Variants in SPCS3 observed in about 807,000 individuals in gnomAD.
The protein encoded by SPCS3 is SPase 22 kDa subunit.
In SPCS3, 9 loss-of-function variants were observed where a neutral mutation model predicts 17.2. The observed-to-expected ratio is 0.52, with a 90% CI of 0.31 to 0.91. The LOEUF (loss-of-function observed/expected upper bound fraction) is 0.91. Ranked by LOEUF, SPCS3 falls within the 40% of genes least tolerant of loss-of-function variation. SPCS3 has a pLI of 0.04. For missense variants in SPCS3, 139 were observed against 217.5 expected (o/e 0.64, Z 2.27); for synonymous variants, 87 against 89.6 (o/e 0.97, Z 0.16).
Position 176,320,148 on chromosome 4 carries a change from C to T in SPCS3, c.72C>T (p.Phe24=), listed in dbSNP as rs2126999010. 2 of 1,583,248 alleles carry T rather than the reference C, an allele frequency of 1.3e-6. No homozygotes were observed. The highest frequency in any genetic ancestry group is 1.7e-6 in the Non-Finnish European group (2 of 1,165,804). The change falls in exon 1 of 5, where the codon TTC becomes TTT. Residue 24 remains phenylalanine (F), a synonymous_variant. Coordinates refer to ENST00000503362, the MANE Select transcript of SPCS3 (RefSeq NM_021928.4). The stretch of plus-strand genomic sequence containing the variant: ...TGAGCGTGATGGCGGCGCTCACCTT[C>T]GGCTGCTTCATCACCACCGCCTTCA... ...FSLSVMAALT[F]GCFITTAFKD...
chr4:176,328,228 T>C lies in SPCS3; in HGVS notation c.441T>C (p.Ser147=). The C allele has an allele frequency of 6.2e-7, 1 of 1,613,350 alleles. No individual in the cohort carries two copies. The highest frequency in any genetic ancestry group is 8.5e-7 in the Non-Finnish European group (1 of 1,179,624). Reference sequence around the variant, plus strand: ...ACAGGAATGTCACTTTGACCCTGTCTTGGAACGTCGTACCAAATGCTGGAA... The same window carrying C: ...ACAGGAATGTCACTTTGACCCTGTCCTGGAACGTCGTACCAAATGCTGGAA... ...KGNRNVTLTL[S]WNVVPNAGIL... Residue 147 remains serine, a synonymous_variant, in exon 5 of 5, where the codon TCT becomes TCC. Coordinates refer to ENST00000503362, the MANE Select transcript of SPCS3 (RefSeq NM_021928.4).
chr4:176,328,321 G>A lies in SPCS3; in HGVS notation c.534G>A (p.Lys178=). The change falls in exon 5 of 5, where the codon AAG becomes AAA. Residue 178 remains lysine, a synonymous_variant. Coordinates refer to ENST00000503362, the MANE Select transcript of SPCS3 (RefSeq NM_021928.4). ...VPFPDTYEIT[K]SY The stretch of plus-strand genomic sequence containing the variant: ...TTCCAGATACATATGAAATAACGAA[G>A]AGTTATTAAATTATTCTGAATTTGA... 6.3e-7 allele frequency: 1 copy of A among 1,589,702 alleles called. No homozygotes were observed. The highest frequency in any genetic ancestry group is 8.6e-7 in the Non-Finnish European group (1 of 1,168,306).
chr4:176,326,440 AT>A (rs531747515), intron 3 of SPCS3, among the ~76,000 whole-genome samples: 5 of 152,180 alleles, frequency 3.3e-5, no homozygotes, highest in Admixed American at 1.3e-4. Flanking sequence ...GTGGCCACAA[AT>A]TTTTTTTATT....
chr4:176,321,983 C>T (rs558343023), intron 1 of SPCS3, 187 bp from the exon 2 acceptor site: 1 of 441,274 alleles, frequency 2.3e-6, no homozygotes, highest in Non-Finnish European at 4.1e-6. Context: ...AGCTGAAGAC[C>T]TACTTTAATA....
chr4:176,330,601 G>C lies in SPCS3; in HGVS notation c.*2271G>C, dbSNP rs889762941. On this transcript the variant is annotated 3_prime_UTR_variant, in exon 5 of 5. Coordinates refer to ENST00000503362, the MANE Select transcript of SPCS3 (RefSeq NM_021928.4). Reference sequence around the variant, plus strand: ...AAAGAATGCTCCAACATGGGAATAAGGACCTTCAGTCTCAGGAACTCATTT... The same window carrying C: ...AAAGAATGCTCCAACATGGGAATAACGACCTTCAGTCTCAGGAACTCATTT... The C allele has an allele frequency of 6.6e-6, 1 of 152,066 alleles. No homozygotes were observed. The highest frequency in any genetic ancestry group is 1.5e-5 in the Non-Finnish European group (1 of 68,026). The allele number at this position is 152,066 out of a possible 1,614,324, so 9.4% of individuals were successfully genotyped here.
At chr4:176,322,424 A>G (rs1731550556) in intron 2 of SPCS3, among the ~76,000 whole-genome samples, 181 bp downstream of exon 2, 1 of 152,204 alleles carries the variant, frequency 6.6e-6, no homozygotes, top group Non-Finnish European at 1.5e-5. Context: ...AAAACTTCAT[A>G]GATTCATGAG....
At chr4:176,327,816 A>C (rs1006625924) in intron 4 of SPCS3, among the ~76,000 whole-genome samples, 1 of 152,238 alleles carries the variant, frequency 6.6e-6, no homozygotes, top group Non-Finnish European at 1.5e-5. Flanking sequence ...AAAATTTCAG[A>C]ACATGAGAAT....
Position 176,322,196 on chromosome 4 carries a change from C to T in SPCS3, c.170C>T (p.Pro57Leu), listed in dbSNP as rs1481145824. 1 of 1,606,768 alleles carries T rather than the reference C, an allele frequency of 6.2e-7. No individual in the cohort carries two copies. Among genetic ancestry groups the T allele is most frequent in the Non-Finnish European group, 8.5e-7 (1 of 1,174,000 alleles). ...AAAAATGTAGAAGATTTCACTGGAC[C>T]TAGAGAAAGAAGTGATCTGGGATTT... ...MLKNVEDFTG[P>L]RERSDLGFIT... The change falls in exon 2 of 5, where the codon CCT becomes CTT. Residue 57 changes from proline (P) to leucine (L), a missense_variant. Pro to Leu is a moderately conservative substitution (Grantham distance 98, BLOSUM62 -3). Coordinates refer to ENST00000503362, the MANE Select transcript of SPCS3 (RefSeq NM_021928.4).
chr4:176,327,050 C>T, intron 3 of SPCS3, 112 bp from the exon 4 acceptor site: 1 of 637,442 alleles, frequency 1.6e-6, no homozygotes, highest in Admixed American at 3.6e-5. Flanking sequence ...CAGCAAGCTC[C>T]TCAAGTTGAA....
chr4:176,321,154 TCCC>T (rs1454280649), intron 1 of SPCS3: 1 of 150,006 alleles, frequency 6.7e-6, no homozygotes, highest in Non-Finnish European at 1.5e-5. Context: ...GCGAGCCTTC[TCCC>T]CCCACCTTTT....
intron 3 of SPCS3, among the ~76,000 whole-genome samples, chr4:176,325,883 A>G (rs1256553027): frequency 1.3e-5 from 2 of 152,174 alleles, no homozygotes; most frequent in Non-Finnish European, 2.9e-5. Flanking sequence ...AGCTGGGATT[A>G]CAGGCACCCA....
Position 176,324,276 on chromosome 4 carries a change from A to G in SPCS3, c.294+19A>G. The stretch of plus-strand genomic sequence containing the variant: ...AAATAATGTAAGTATATCTAATTAG[A>G]AGTATTTTAATAGCTATTTAAAGTC... On this transcript the variant is annotated intron_variant, in intron 3 of 4. Coordinates refer to ENST00000503362, the MANE Select transcript of SPCS3 (RefSeq NM_021928.4). 2 of 1,042,052 alleles carry G rather than the reference A, an allele frequency of 1.9e-6. No individual in the cohort carries two copies. Among genetic ancestry groups the G allele is most frequent in the Non-Finnish European group, 1.3e-6 (1 of 754,204 alleles). 64.6% of individuals were successfully genotyped at this position (1,042,052 alleles called of 1,614,324 possible).
At chr4:176,323,539 T>G (rs1448837925) in intron 2 of SPCS3, among the ~76,000 whole-genome samples, 1 of 152,180 alleles carries the variant, frequency 6.6e-6, no homozygotes, top group Non-Finnish European at 1.5e-5. Context: ...ACTTAACAAT[T>G]AACATAATAC....
chr4:176,329,107 G>T lies in SPCS3; in HGVS notation c.*777G>T, dbSNP rs1165221745. 6.6e-6 allele frequency: 1 copy of T among 151,782 alleles called. No individual in the cohort carries two copies. Among genetic ancestry groups the T allele is most frequent in the Non-Finnish European group, 1.5e-5 (1 of 67,910 alleles). The allele number at this position is 151,782 out of a possible 1,614,324, so 9.4% of individuals were successfully genotyped here. On this transcript the variant is annotated 3_prime_UTR_variant, in exon 5 of 5. Coordinates refer to ENST00000503362, the MANE Select transcript of SPCS3 (RefSeq NM_021928.4). Reference sequence around the variant, plus strand: ...AATGTTTGCATGGTTTACCCTCTGAGTTATGTTTCTTCTAGTGAGCATGCC... The same window carrying T: ...AATGTTTGCATGGTTTACCCTCTGATTTATGTTTCTTCTAGTGAGCATGCC...
Position 176,328,282 on chromosome 4 carries a change from C to G in SPCS3, c.495C>G (p.His165Gln). Reference sequence around the variant, plus strand: ...TACCTCTTGTGACAGGATCAGGACACGTATCTGTCCCATTTCCAGATACAT... The same window carrying G: ...TACCTCTTGTGACAGGATCAGGACAGGTATCTGTCCCATTTCCAGATACAT... ...GILPLVTGSG[H>Q]VSVPFPDTYE... The change falls in exon 5 of 5, where the codon CAC becomes CAG. Residue 165 changes from histidine to glutamine, a missense_variant. His to Gln is a conservative substitution (Grantham distance 24). Coordinates refer to ENST00000503362, the MANE Select transcript of SPCS3 (RefSeq NM_021928.4). 1 of 1,610,456 alleles carries G rather than the reference C, an allele frequency of 6.2e-7. No homozygotes were observed. The highest frequency in any genetic ancestry group is 8.5e-7 in the Non-Finnish European group (1 of 1,178,290).
At chr4:176,324,748 G>A (rs1000953710) in intron 3 of SPCS3, among the ~76,000 whole-genome samples, 6 of 152,144 alleles carry the variant, frequency 3.9e-5, no homozygotes, top group African/African-American at 1.2e-4. Flanking sequence ...ATGGAAAAGT[G>A]GCTTAAAAAG....
intron 4 of SPCS3, 99 bp from the exon 5 acceptor site, chr4:176,328,099 G>C (rs1016828954): frequency 9.3e-7 from 1 of 1,079,060 alleles, no homozygotes; most frequent in Non-Finnish European, 1.3e-6. Flanking sequence ...AGGAATAGAT[G>C]GTTATAAATA....
At chr4:176,323,609 C>G (rs2127000483) in intron 2 of SPCS3, among the ~76,000 whole-genome samples, 1 of 152,244 alleles carries the variant, frequency 6.6e-6, no homozygotes, top group Middle Eastern at 3.4e-3. Flanking sequence ...CTTGTTAATT[C>G]TGGTGAAGTT....
intron 4 of SPCS3, 57 bp from the exon 5 acceptor site, chr4:176,328,141 A>AT: frequency 1.3e-5 from 20 of 1,554,634 alleles, no homozygotes; most frequent in East Asian, 2.3e-5. Context: ...TTGTCTTAAA[A>AT]TTTTTTTTGA....
Sources: gnomAD v4.1 joint callset for allele counts (sites outside exome capture counted in the v4.1 genomes callset) on GRCh38, gnomAD v4.1.1 for gene constraint, MANE v1.5 for transcripts, NCBI Gene and HGNC (gene_info 2026-07-23, HGNC 2026-07-21) for gene names.